The following OR2A12 variants were observed in gnomAD, a reference collection of about 807,000 sequenced individuals.
The protein encoded by OR2A12 is olfactory receptor family 2 subfamily A member 12.
For synonymous variants in OR2A12, 153 were observed against 149.3 expected, an observed-to-expected ratio of 1.02 and a Z score of -0.18; for missense variants, 380 against 372.5, an observed-to-expected ratio of 1.02 and a Z score of -0.17.
rs2128803664 is a variant in OR2A12 at position 144,098,684 on chromosome 7, G to C, written c.*2644G>C. On this transcript the variant is annotated 3_prime_UTR_variant, in exon 2 of 2. Transcript: ENST00000641592. ...CCAAGCATCGTCGAGCTCTAGTGGG[G>C]ACTTTCTTCTGGCTTTCAGAGAGTG... The C allele has an allele frequency of 6.6e-6, 1 of 152,330 alleles. No individual in the cohort carries two copies. Among genetic ancestry groups the C allele is most frequent in the African/African-American group, 2.4e-5 (1 of 41,546 alleles). The allele number at this position is 152,330 out of a possible 1,614,324, so 9.4% of individuals were successfully genotyped here.
rs1563043151 is a variant in OR2A12, at chr7:144,096,026, CAG to C, written c.923_924del (p.Arg308IlefsTer30). 1.9e-6 allele frequency: 3 copies of C among 1,593,004 alleles called. No homozygotes were observed. The East Asian group carries it at 6.7e-5, about 36-fold the overall frequency. ...GGCTCTAAAGAGAGTCCTTTGGAAA[CAG>C]AGATCAATGTGAAGAATCATTTGAG... ...KGALKRVLWK[Q>X]RSM On this transcript the variant is annotated frameshift_variant, in exon 2 of 2. Transcript: ENST00000641592. LOFTEE classifies it high-confidence loss of function.
At chr7:144,086,844 G>T (rs1282299859) in intron 1 of OR2A12, among the ~76,000 whole-genome samples, 2 of 152,206 alleles carry the variant, frequency 1.3e-5, no homozygotes, top group African/African-American at 4.8e-5. Context: ...AAGACTGGCA[G>T]AAATGTTCAG....
intron 1 of OR2A12, among the ~76,000 whole-genome samples, chr7:144,094,096 AAC>A (rs1157513395): frequency 6.6e-6 from 1 of 152,140 alleles, no homozygotes; most frequent in African/African-American, 2.4e-5. Flanking sequence ...TTTTAAAACA[AAC>A]ATGTTTATTA....
At chr7:144,088,095 C>A (rs1385989999) in intron 1 of OR2A12, among the ~76,000 whole-genome samples, 5 of 152,328 alleles carry the variant, frequency 3.3e-5, no homozygotes, top group Non-Finnish European at 7.3e-5. Context: ...CTCACTGCAA[C>A]CTCTGCCTCC....
At position 144,096,063 on chromosome 7, in the gene OR2A12, G is replaced by GT; in HGVS notation, c.*24dup. 1 of 1,529,194 alleles carries GT rather than the reference G, an allele frequency of 6.5e-7. No individual in the cohort carries two copies. The highest frequency in any genetic ancestry group is 1.2e-5 in the South Asian group (1 of 80,110). The allele number at this position is 1,529,194 out of a possible 1,614,324, so 94.7% of individuals were successfully genotyped here. ...TGAAGAATCATTTGAGATATCCTGA[G>GT]TGTGTAAGCATGGTTCTCATGACCC... On this transcript the variant is annotated 3_prime_UTR_variant, in exon 2 of 2. Transcript: ENST00000641592.
Position 144,095,385 on chromosome 7 carries a change from T to A in OR2A12, c.278T>A (p.Phe93Tyr). The change falls in exon 2 of 2, where the codon TTT becomes TAT. Residue 93 changes from phenylalanine (F) to tyrosine (Y), a missense_variant. Physicochemically the swap from Phe to Tyr is conservative, Grantham distance 22. Coordinates refer to ENST00000641592, the MANE Select transcript of OR2A12 (RefSeq NM_001004135.2). ...GTGATGCACAAAAAAGTCATCTCCT[T>A]TGCTCCTTGCATACTTCAGACTTTT... ...NLVMHKKVIS[F>Y]APCILQTFLY... is the part of the protein sequence containing the mutation. 2.5e-6 allele frequency: 4 copies of A among 1,614,086 alleles called. No homozygotes were observed. Among genetic ancestry groups the A allele is most frequent in the Non-Finnish European group, 3.4e-6 (4 of 1,179,950 alleles).
chr7:144,088,498 C>T (rs2051203008), intron 1 of OR2A12, among the ~76,000 whole-genome samples: 1 of 152,156 alleles, frequency 6.6e-6, no homozygotes, highest in Non-Finnish European at 1.5e-5. Context: ...TTTCATATAA[C>T]ATTTAGAGTA....
Position 144,095,799 on chromosome 7 carries a change from A to G in OR2A12, c.692A>G (p.Glu231Gly). 6.2e-7 allele frequency: 1 copy of G among 1,614,068 alleles called. No homozygotes were observed. Residue 231 changes from glutamate (E) to glycine (G), a missense_variant, in exon 2 of 2, where the codon GAG (glutamate) becomes GGG (glycine). Glu to Gly is a moderately conservative substitution (Grantham distance 98). Coordinates refer to ENST00000641592, the MANE Select transcript of OR2A12 (RefSeq NM_001004135.2). ...LVAILRIQSG[E>G]GRRKAFSTCS... ...GCCATCTTGAGGATCCAGTCTGGGG[A>G]GGGCCGCAGAAAGGCCTTCTCTACC... is the stretch of plus-strand genomic sequence containing the variant.
At position 144,095,701 on chromosome 7, in the gene OR2A12, A is replaced by G. The variant is rs2051258279; in HGVS notation, c.594A>G (p.Leu198=). The change falls in exon 2 of 2, where the codon CTA becomes CTG. Residue 198 remains leucine (L), a synonymous_variant. Coordinates refer to ENST00000641592, the MANE Select transcript of OR2A12 (RefSeq NM_001004135.2). ...CADTRLNQVV[L]FAGSAFILVG... is the part of the protein sequence containing the mutation. The stretch of plus-strand genomic sequence containing the variant: ...ACACTAGGCTCAACCAGGTGGTCCT[A>G]TTTGCGGGTTCTGCGTTCATCTTAG... 5 of 1,613,806 alleles carry G rather than the reference A, an allele frequency of 3.1e-6. No individual in the cohort carries two copies. Among genetic ancestry groups the G allele is most frequent in the South Asian group, 2.2e-5 (2 of 91,068 alleles).
At position 144,095,217 on chromosome 7, in the gene OR2A12, C is replaced by T. The variant is rs778713436; in HGVS notation, c.110C>T (p.Thr37Ile). 2 of 1,613,718 alleles carry T rather than the reference C, an allele frequency of 1.2e-6. No individual in the cohort carries two copies. Residue 37 changes from threonine (T) to isoleucine (I), a missense_variant, in exon 2 of 2, where the codon ACC becomes ATC. Coordinates refer to ENST00000641592, the MANE Select transcript of OR2A12 (RefSeq NM_001004135.2). ...TTTTTCTTGCTATTCTACAGCTTAA[C>T]CCTGATGGGAAATGGGATTATCCTG... is the stretch of plus-strand genomic sequence containing the variant. ...FGFFLLFYSL[T>I]LMGNGIILGL...
rs773193181 is a variant in OR2A12, at chr7:144,095,244, G to A, written c.137G>A (p.Gly46Glu). The A allele has an allele frequency of 6.2e-7, 1 of 1,613,930 alleles. No homozygotes were observed. The highest frequency in any genetic ancestry group is 1.7e-5 in the Admixed American group (1 of 60,014). ...LTLMGNGIIL[G>E]LIYLDSRLHT... ...CTGATGGGAAATGGGATTATCCTGG[G>A]GCTCATCTACTTGGACTCTAGACTG... The change falls in exon 2 of 2, where the codon GGG becomes GAG. Residue 46 changes from glycine to glutamate, a missense_variant. Transcript: ENST00000641592.
chr7:144,089,167 T>C (rs1453569368), intron 1 of OR2A12, among the ~76,000 whole-genome samples: 3 of 152,334 alleles, frequency 2.0e-5, no homozygotes, highest in African/African-American at 7.2e-5. Flanking sequence ...TTCTGAATTG[T>C]CTATTCTTTG....
At chr7:144,087,503 C>T (rs549071596) in intron 1 of OR2A12, among the ~76,000 whole-genome samples, 8 of 152,244 alleles carry the variant, frequency 5.3e-5, no homozygotes, top group African/African-American at 1.9e-4. Context: ...AGTGGAAATA[C>T]GGTAAAATAT....
rs372474544 is a variant in OR2A12 at position 144,095,403 on chromosome 7, A to C, written c.296A>C (p.Gln99Pro). The change falls in exon 2 of 2, where the codon CAG becomes CCG. Residue 99 changes from glutamine (Q) to proline (P), a missense_variant. Gln to Pro is a moderately conservative substitution (Grantham distance 76). Coordinates refer to ENST00000641592, the MANE Select transcript of OR2A12 (RefSeq NM_001004135.2). Reference protein sequence around the residue: ...KVISFAPCILQTFLYLAFAIT... With the variant: ...KVISFAPCILPTFLYLAFAIT... ...ATCTCCTTTGCTCCTTGCATACTTC[A>C]GACTTTTTTGTATTTGGCGTTTGCT... The C allele has an allele frequency of 2.5e-6, 4 of 1,614,016 alleles. No homozygotes were observed. Among genetic ancestry groups the C allele is most frequent in the Non-Finnish European group, 2.5e-6 (3 of 1,179,946 alleles).
chr7:144,095,299 C>A lies in OR2A12; in HGVS notation c.192C>A (p.His64Gln). The change falls in exon 2 of 2, where the codon CAC becomes CAA. Residue 64 changes from histidine (H) to glutamine (Q), a missense_variant. Physicochemically the swap from His to Gln is conservative, Grantham distance 24 (BLOSUM62 0). Coordinates refer to ENST00000641592, the MANE Select transcript of OR2A12 (RefSeq NM_001004135.2). ...LHTPMYVFLS[H>Q]LAIVDMSYAS... Reference sequence around the variant, plus strand: ...CACCCATGTATGTCTTCCTGTCACACCTGGCCATTGTGGACATGTCCTATG... The same window carrying A: ...CACCCATGTATGTCTTCCTGTCACAACTGGCCATTGTGGACATGTCCTATG... 6.2e-7 allele frequency: 1 copy of A among 1,613,968 alleles called. No homozygotes were observed. The highest frequency in any genetic ancestry group is 8.5e-7 in the Non-Finnish European group (1 of 1,179,892).
intron 1 of OR2A12, among the ~76,000 whole-genome samples, chr7:144,089,373 A>G (rs1208819139): frequency 1.3e-5 from 2 of 151,844 alleles, no homozygotes; most frequent in Admixed American, 1.3e-4. Flanking sequence ...TGTGTGTTAG[A>G]GAGAAAAAAG....
In OR2A12 at chr7:144,095,274, C is replaced by T; in HGVS notation, c.167C>T (p.Thr56Ile). Residue 56 changes from threonine (T) to isoleucine (I), a missense_variant, in exon 2 of 2, where the codon ACA (threonine) becomes ATA (isoleucine). Transcript: ENST00000641592. The stretch of plus-strand genomic sequence containing the variant: ...ATCTACTTGGACTCTAGACTGCACA[C>T]ACCCATGTATGTCTTCCTGTCACAC... ...GLIYLDSRLHTPMYVFLSHLA... is the reference protein window; with the variant it reads ...GLIYLDSRLHIPMYVFLSHLA... The T allele has an allele frequency of 6.2e-7, 1 of 1,614,046 alleles. No individual in the cohort carries two copies. Among genetic ancestry groups the T allele is most frequent in the Non-Finnish European group, 8.5e-7 (1 of 1,179,956 alleles).
At position 144,096,327 on chromosome 7, in the gene OR2A12, C is replaced by T. The variant is rs920765494; in HGVS notation, c.*287C>T. Reference sequence around the variant, plus strand: ...AAAATTAGCCGGGCGTGCTGGTGGGCGCCTGTAATCCCAGCTCTACTTGGG... The same window carrying T: ...AAAATTAGCCGGGCGTGCTGGTGGGTGCCTGTAATCCCAGCTCTACTTGGG... On this transcript the variant is annotated 3_prime_UTR_variant, in exon 2 of 2. Coordinates refer to ENST00000641592, the MANE Select transcript of OR2A12 (RefSeq NM_001004135.2). 8 of 209,944 alleles carry T rather than the reference C, an allele frequency of 3.8e-5. No homozygotes were observed. Among genetic ancestry groups the T allele is most frequent in the East Asian group, 3.5e-4 (3 of 8,542 alleles). The allele number at this position is 209,944 out of a possible 1,614,324, so 13.0% of individuals were successfully genotyped here.
chr7:144,092,353 A>G (rs1048635267), intron 1 of OR2A12, among the ~76,000 whole-genome samples: 1 of 152,014 alleles, frequency 6.6e-6, no homozygotes, highest in Non-Finnish European at 1.5e-5. Flanking sequence ...TTTTTGTTTC[A>G]TATGAGTTTT....
Sources: gnomAD v4.1 joint callset for allele counts (sites outside exome capture counted in the v4.1 genomes callset) on GRCh38, gnomAD v4.1.1 for gene constraint, MANE v1.5 for transcripts, NCBI Gene and HGNC (gene_info 2026-07-23, HGNC 2026-07-21) for gene names.